Variants in SASH3 observed in about 807,000 individuals in gnomAD.
SASH3 encodes the protein SAM and SH3 domain containing 3.
Under a neutral mutation model 26.1 loss-of-function variants are expected in SASH3, and 7 were observed. The ratio of observed to expected loss-of-function variants is 0.27; its 90% CI spans 0.15 to 0.50. The LOEUF is 0.50. Among genes scored for constraint, SASH3 ranks in the 20% least tolerant of loss-of-function variants. The pLI, the probability that SASH3 is intolerant of heterozygous loss-of-function variation, is 0.98. For missense variants in SASH3, 231 were observed against 318.3 expected, an observed-to-expected ratio of 0.73 and a Z score of 2.09; for synonymous variants, 138 against 136.8, an observed-to-expected ratio of 1.01 and a Z score of -0.06.
At chrX:129,791,327 A>T (rs1762509078) in intron 4 of SASH3, among the ~76,000 whole-genome samples, 1 of 111,915 alleles carries the variant, frequency 8.9e-6, no homozygotes, top group Admixed American at 9.4e-5. Flanking sequence ...GCCCAAGATG[A>T]CCCAGTCTTG....
intron 1 of SASH3, among the ~76,000 whole-genome samples, chrX:129,782,662 G>A (rs891315869): frequency 8.9e-6 from 1 of 112,034 alleles, no homozygotes. Flanking sequence ...TCCCCTTGTT[G>A]ATCTCAAAGG....
chrX:129,780,041 G>A lies in SASH3; in HGVS notation c.-57G>A, dbSNP rs1207960484. ...CAGTTCTGGTGAGGCTAAGCAAGAG[G>A]CCTCTGCATCTTGACACCTAGGAGA... On this transcript the variant is annotated 5_prime_UTR_variant, in exon 1 of 8. Coordinates refer to ENST00000356892, the MANE Select transcript of SASH3 (RefSeq NM_018990.4). 2 of 1,140,842 alleles carry A rather than the reference G, an allele frequency of 1.8e-6. No homozygotes were observed. Among genetic ancestry groups the A allele is most frequent in the African/African-American group, 3.6e-5 (2 of 55,900 alleles). 94.0% of individuals were successfully genotyped at this position (1,140,842 alleles called of 1,213,427 possible). A position where few individuals can be genotyped will look rare whatever the true frequency, so the allele number is the denominator to read the frequency against.
chrX:129,787,562 G>A (rs951992700), intron 1 of SASH3, among the ~76,000 whole-genome samples: 1 of 111,794 alleles, frequency 8.9e-6, no homozygotes, highest in Admixed American at 9.5e-5. Flanking sequence ...CCAGAGCCAC[G>A]GGTTTTGGGA....
chrX:129,785,814 G>A (rs895846876), intron 1 of SASH3, among the ~76,000 whole-genome samples: 1 of 111,966 alleles, frequency 8.9e-6, no homozygotes, highest in African/African-American at 3.3e-5. Context: ...AGGCCCCATC[G>A]GCCTATAAAT....
At chrX:129,787,016 G>A (rs1399593006) in intron 1 of SASH3, among the ~76,000 whole-genome samples, 5 of 100,997 alleles carry the variant, frequency 5.0e-5, no homozygotes, top group Non-Finnish European at 9.8e-5. Context: ...AAAAAGGCAA[G>A]CTCAGCCGGG....
At chrX:129,783,676 C>T (rs767876935) in intron 1 of SASH3, among the ~76,000 whole-genome samples, 56 of 111,624 alleles carry the variant, frequency 5.0e-4, no homozygotes, top group African/African-American at 1.4e-3. Flanking sequence ...CACGGGCATG[C>T]GGGAGGAGTT....
intron 1 of SASH3, among the ~76,000 whole-genome samples, chrX:129,781,102 A>G (rs859603): frequency 0.031 from 3,516 of 112,258 alleles, 141 homozygotes; most frequent in East Asian, 0.18. Flanking sequence ...TACACATCCA[A>G]TGGGATGCTA....
At chrX:129,789,113 G>A (rs868471115) in intron 3 of SASH3, among the ~76,000 whole-genome samples, 1 of 29,311 alleles carries the variant, frequency 3.4e-5, no homozygotes, top group Non-Finnish European at 5.3e-5. Context: ...AAAAAAAAAA[G>A]AAAGAAAGAA....
At chrX:129,784,952 ATTG>A (rs1337236172) in intron 1 of SASH3, among the ~76,000 whole-genome samples, 1 of 109,564 alleles carries the variant, frequency 9.1e-6, no homozygotes, top group Non-Finnish European at 1.9e-5. Flanking sequence ...TGAAATATAT[ATTG>A]TTGAGTATAC....
At chrX:129,780,863 A>G (rs1483734854) in intron 1 of SASH3, among the ~76,000 whole-genome samples, 1 of 112,105 alleles carries the variant, frequency 8.9e-6, no homozygotes, top group Non-Finnish European at 1.9e-5. Flanking sequence ...AAGGCTGAGG[A>G]GGGAGGATTT....
At chrX:129,790,505 C>T (rs1175683818) in intron 3 of SASH3, among the ~76,000 whole-genome samples, 1 of 109,969 alleles carries the variant, frequency 9.1e-6, no homozygotes, top group African/African-American at 3.3e-5. Flanking sequence ...CTCAGGCCAA[C>T]AATACCACTT....
intron 1 of SASH3, among the ~76,000 whole-genome samples, chrX:129,780,595 G>C (rs1926998346): frequency 8.9e-6 from 1 of 112,684 alleles, no homozygotes; most frequent in Admixed American, 9.3e-5. Context: ...CTGCTGGGCT[G>C]CCCAGCTTGG....
intron 1 of SASH3, among the ~76,000 whole-genome samples, chrX:129,782,264 T>C (rs1927030551): frequency 8.9e-6 from 1 of 111,799 alleles, no homozygotes; most frequent in Non-Finnish European, 1.9e-5. Flanking sequence ...GATGTGAGAG[T>C]ACCCTGTCAC....
In SASH3 at chrX:129,791,101, G is replaced by T. The variant is rs765308551; in HGVS notation, c.442+20G>T. On this transcript the variant is annotated intron_variant, in intron 4 of 7. Transcript: ENST00000356892. ...CAACAGGTGAGTAGGGGATGCGGGG[G>T]ACACCTGCCGAATCTGGAGGAAAGG... 8.3e-7 allele frequency: 1 copy of T among 1,202,233 alleles called. No homozygotes were observed. Among genetic ancestry groups the T allele is most frequent in the Non-Finnish European group, 1.1e-6 (1 of 889,379 alleles).
chrX:129,793,966 C>A lies in SASH3; in HGVS notation c.*134C>A. ...CTGCTTCCCCAGGGACACTTAGGGCCACAGAGGCCAGGCCAGGGCCCTACA... is the reference window on the plus strand; with the variant it reads ...CTGCTTCCCCAGGGACACTTAGGGCAACAGAGGCCAGGCCAGGGCCCTACA... On this transcript the variant is annotated 3_prime_UTR_variant, in exon 8 of 8. Coordinates refer to ENST00000356892, the MANE Select transcript of SASH3 (RefSeq NM_018990.4). 1.6e-6 allele frequency: 1 copy of A among 632,249 alleles called. No individual in the cohort carries two copies. Among genetic ancestry groups the A allele is most frequent in the Non-Finnish European group, 2.4e-6 (1 of 420,684 alleles). The allele number at this position is 632,249 out of a possible 1,213,427, so 52.1% of individuals were successfully genotyped here. A position where few individuals can be genotyped will look rare whatever the true frequency, so the allele number is the denominator to read the frequency against.
chrX:129,788,598 G>A, intron 3 of SASH3, 21 bp downstream of exon 3: 1 of 1,204,813 alleles, frequency 8.3e-7, no homozygotes, highest in Non-Finnish European at 1.1e-6. Flanking sequence ...CAGATATAGG[G>A]GATGGGGTGT....
At chrX:129,788,641 T>C in intron 3 of SASH3, 64 bp downstream of exon 3, 2 of 1,091,851 alleles carry the variant, frequency 1.8e-6, no homozygotes, top group African/African-American at 1.8e-5. Flanking sequence ...TGGCAGAATG[T>C]GAGCATGACC....
intron 3 of SASH3, among the ~76,000 whole-genome samples, chrX:129,789,280 G>C (rs1053514905): frequency 9.4e-6 from 1 of 106,003 alleles, no homozygotes; most frequent in African/African-American, 3.8e-5. Flanking sequence ...CCACCTCAAA[G>C]CTTTGCTTTG....
chrX:129,792,408 T>C lies in SASH3; in HGVS notation c.523T>C (p.Cys175Arg). The C allele has an allele frequency of 8.3e-7, 1 of 1,211,722 alleles. No homozygotes were observed. ...PPAPQYTGPF[C>R]GRARVHTDFT... The stretch of plus-strand genomic sequence containing the variant: ...TGCCCCCCAGTACACAGGGCCTTTC[T>C]GTGGCCGGGCACGAGTCCACACCGA... Residue 175 changes from cysteine to arginine, a missense_variant, in exon 5 of 8, where the codon TGT becomes CGT. Cys to Arg is a radical substitution (Grantham distance 180, BLOSUM62 -3). Transcript: ENST00000356892.
Sources: allele counts gnomAD v4.1 joint callset (sites outside exome capture counted in the v4.1 genomes callset), GRCh38; gene constraint gnomAD v4.1.1; transcripts MANE v1.5; gene names NCBI Gene and HGNC (gene_info 2026-07-23, HGNC 2026-07-21).